Variants in EHMT1 observed in about 807,000 individuals in gnomAD.
EHMT1 encodes histone-lysine N-methyltransferase EHMT1.
Under a neutral mutation model 147.2 loss-of-function variants are expected in EHMT1, and 15 were observed. The observed-to-expected ratio is 0.10, with a 90% CI of 0.07 to 0.16. The LOEUF is 0.16. Ranked by LOEUF, EHMT1 falls within the 10% of genes least tolerant of loss-of-function variation. The pLI is 1.00. For synonymous variants in EHMT1, 795 were observed against 709.6 expected, an observed-to-expected ratio of 1.12 and a Z score of -1.91; for missense variants, 1,587 against 1,772.4, an observed-to-expected ratio of 0.90 and a Z score of 1.88.
chr9:137,709,997 C>T (rs1434090543), intron 1 of EHMT1, among the ~76,000 whole-genome samples: 1 of 152,098 alleles, frequency 6.6e-6, no homozygotes, highest in African/African-American at 2.4e-5. Flanking sequence ...CTTCCCCGGC[C>T]CCCAGCTGTG....
chr9:137,664,366 A>C (rs1344162747), intron 1 of EHMT1, among the ~76,000 whole-genome samples: 1 of 147,078 alleles, frequency 6.8e-6, no homozygotes, highest in African/African-American at 2.5e-5. Context: ...ATCTCTGCTC[A>C]CTGCAACCTC....
chr9:137,657,003 A>C (rs1396525415), intron 1 of EHMT1, among the ~76,000 whole-genome samples: 1 of 152,044 alleles, frequency 6.6e-6, no homozygotes, highest in African/African-American at 2.4e-5. Flanking sequence ...AGCCTCCCAA[A>C]GTGCTGGGAT....
At position 137,787,721 on chromosome 9, in the gene EHMT1, G is replaced by A. The variant is rs1952101094; in HGVS notation, c.2383-3127G>A. 5 of 725,032 alleles carry A rather than the reference G, an allele frequency of 6.9e-6. No individual in the cohort carries two copies. The South Asian group carries it at 8.1e-5, about 12-fold the overall frequency. 44.9% of individuals were successfully genotyped at this position (725,032 alleles called of 1,614,324 possible). On this transcript the variant is annotated intron_variant, in intron 15 of 26. Transcript: ENST00000460843. The surrounding 1 kb of genome is among the most constrained non-coding windows in gnomAD (Gnocchi z 4.2). ...GGGCCAGGGGCCGCCAGGTCCCCAGGGTGCCACCGAAACATCGTAGATGCT... is the reference window on the plus strand; with the variant it reads ...GGGCCAGGGGCCGCCAGGTCCCCAGAGTGCCACCGAAACATCGTAGATGCT...
intron 1 of EHMT1, among the ~76,000 whole-genome samples, chr9:137,678,743 A>T (rs367934580): frequency 6.8e-5 from 8 of 117,894 alleles, no homozygotes; most frequent in African/African-American, 2.6e-4. Context: ...AACGTATTGC[A>T]CTCTACTCAG....
At chr9:137,801,767 G>A (rs1953511255) in intron 18 of EHMT1, among the ~76,000 whole-genome samples, 1 of 152,100 alleles carries the variant, frequency 6.6e-6, no homozygotes, top group South Asian at 2.1e-4. Context: ...CATAGAGCTG[G>A]GATTACAGGT....
At position 137,778,141 on chromosome 9, in the gene EHMT1, A is replaced by G. The variant is rs1016781607; in HGVS notation, c.2192+86A>G. ...TTTTTCCCCATGGTGTCACTTTAGC[A>G]CTTCTCAGCTTTTTGATTAATGCTG... On this transcript the variant is annotated intron_variant, in intron 13 of 26. Transcript: ENST00000460843. The G allele has an allele frequency of 3.9e-6, 6 of 1,520,178 alleles. No homozygotes were observed. In the African/African-American group the frequency reaches 8.2e-5, roughly 21 times the overall value. 94.2% of individuals were successfully genotyped at this position (1,520,178 alleles called of 1,614,324 possible). A position where few individuals can be genotyped will look rare whatever the true frequency, so the allele number is the denominator to read the frequency against.
intron 10 of EHMT1, among the ~76,000 whole-genome samples, chr9:137,767,431 T>G (rs2136455460): frequency 6.6e-6 from 1 of 152,318 alleles, no homozygotes; most frequent in African/African-American, 2.4e-5. Context: ...TATCACTTAC[T>G]CAAAATGCTT....
chr9:137,687,870 C>T (rs533729110), intron 1 of EHMT1, among the ~76,000 whole-genome samples: 3 of 152,356 alleles, frequency 2.0e-5, no homozygotes, highest in South Asian at 4.1e-4. Flanking sequence ...AGCACGTCAT[C>T]GTGTCACCGT....
chr9:137,806,960 T>C (rs1235775898), intron 18 of EHMT1, among the ~76,000 whole-genome samples: 1 of 152,210 alleles, frequency 6.6e-6, no homozygotes, highest in Non-Finnish European at 1.5e-5. Context: ...TTTTTCTGTA[T>C]CTCTTGGTTT....
At chr9:137,647,374 C>G (rs1844971746) in intron 1 of EHMT1, among the ~76,000 whole-genome samples, 1 of 152,152 alleles carries the variant, frequency 6.6e-6, no homozygotes. Context: ...GCCTCTCGCC[C>G]CGCAGCGCTA....
In EHMT1 at chr9:137,743,961, C is replaced by T. The variant is rs752108728; in HGVS notation, c.1041C>T (p.Asp347=). The T allele has an allele frequency of 1.2e-6, 2 of 1,613,874 alleles. No homozygotes were observed. Among genetic ancestry groups the T allele is most frequent in the South Asian group, 1.1e-5 (1 of 91,072 alleles). ...TGAATGGGGAGAGCCTGGAGATGGA[C>T]TCGGATGAGGACGACTCAGAGGAGC... ...LHVNGESLEM[D]SDEDDSEELE... The change falls in exon 6 of 27, where the codon GAC becomes GAT. Residue 347 remains aspartate, a synonymous_variant. Coordinates refer to ENST00000460843, the MANE Select transcript of EHMT1 (RefSeq NM_024757.5).
At chr9:137,619,138 C>T in intron 1 of EHMT1, 89 bp downstream of exon 1, 1 of 355,680 alleles carries the variant, frequency 2.8e-6, no homozygotes, top group Non-Finnish European at 3.8e-6. Flanking sequence ...GGGGCGGCGG[C>T]AGGCGGCCGG....
intron 9 of EHMT1, among the ~76,000 whole-genome samples, chr9:137,761,330 G>C (rs1374997194): frequency 1.3e-5 from 2 of 152,200 alleles, no homozygotes; most frequent in Non-Finnish European, 2.9e-5. Flanking sequence ...GATATCCTTT[G>C]TTTTCAAATC....
At chr9:137,663,032 G>A (rs989826603) in intron 1 of EHMT1, among the ~76,000 whole-genome samples, 5 of 152,090 alleles carry the variant, frequency 3.3e-5, no homozygotes, top group Non-Finnish European at 7.4e-5. Context: ...GACCTCAGGC[G>A]ATCACCTGCC....
At chr9:137,777,734 GAATCCTGAACCGTTA>G in intron 12 of EHMT1, 133 bp from the exon 13 acceptor site, 2 of 1,240,684 alleles carry the variant, frequency 1.6e-6, no homozygotes, top group Non-Finnish European at 2.3e-6. Flanking sequence ...ATTTGGTTCT[GAATCCTGAACCGTTA>G]AATCCAGGGA....
rs748503230 is a variant in EHMT1, at chr9:137,782,920, G to T, written c.2382+523G>T. ...CGCTGCCCGCTTGTCTCTGGGTTCA[G>T]ACACACGACGCTGTTTGTCCCCCTG... On this transcript the variant is annotated intron_variant, in intron 15 of 26. Transcript: ENST00000460843. The surrounding 1 kb of genome is among the most constrained non-coding windows in gnomAD (Gnocchi z 5.7). Among the ~76,000 whole-genome samples, 55 of 151,918 alleles carry T rather than the reference G, an allele frequency of 3.6e-4. No individual in the cohort carries two copies. Among genetic ancestry groups the T allele is most frequent in the Non-Finnish European group, 6.6e-4 (45 of 67,948 alleles).
intron 1 of EHMT1, among the ~76,000 whole-genome samples, chr9:137,708,322 A>T (rs1381995992): frequency 1.3e-5 from 2 of 152,214 alleles, no homozygotes; most frequent in Non-Finnish European, 2.9e-5. Flanking sequence ...AAGTATTTTG[A>T]TATCTTTTCA....
chr9:137,716,433 GGGGAGGAAGTTGTGTTGGTGTCATGGT>G (rs1342470123), intron 2 of EHMT1, among the ~76,000 whole-genome samples, 166 bp from the exon 3 acceptor site: 17 of 41,242 alleles, frequency 4.1e-4, no homozygotes, highest in African/African-American at 1.1e-3. Context: ...TGTCATGGTG[GGGGAGGAAGTTGTGTTGGTGTCATGGT>G]GGGGGAGGAA....
In EHMT1 at chr9:137,824,828, T is replaced by C. The variant is rs534876070; in HGVS notation, c.3540+6690T>C. On this transcript the variant is annotated intron_variant, in intron 25 of 26. Coordinates refer to ENST00000460843, the MANE Select transcript of EHMT1 (RefSeq NM_024757.5). Reference sequence around the variant, plus strand: ...CGGAAATACTTGATTTTTTTGTGCATTGACCTTGTTAAATGTATGAATTCT... The same window carrying C: ...CGGAAATACTTGATTTTTTTGTGCACTGACCTTGTTAAATGTATGAATTCT... Among the ~76,000 whole-genome samples, 483 of 152,342 alleles carry C rather than the reference T, an allele frequency of 3.2e-3. 4 individuals carry two copies. Among genetic ancestry groups the C allele is most frequent in the African/African-American group, 0.011 (467 of 41,576 alleles).
Sources: gnomAD v4.1 joint callset for allele counts (sites outside exome capture counted in the v4.1 genomes callset) on GRCh38, gnomAD v4.1.1 for gene constraint, Gnocchi (gnomAD v3.1) non-coding constraint, MANE v1.5 for transcripts, NCBI Gene and HGNC (gene_info 2026-07-23, HGNC 2026-07-21) for gene names.